The following DLC1 variants were observed in gnomAD, a reference collection of about 807,000 sequenced individuals.
DLC1 encodes the protein DLC1 Rho GTPase activating protein.
In DLC1, 54 loss-of-function variants were observed where a neutral mutation model predicts 140.3. The ratio of observed to expected loss-of-function variants is 0.38; its 90% CI spans 0.31 to 0.48. DLC1 has a LOEUF of 0.48. Among genes scored for constraint, DLC1 ranks in the 20% least tolerant of loss-of-function variants. The pLI, the probability that DLC1 is intolerant of heterozygous loss-of-function variation, is 0.96. For missense variants in DLC1, 2,536 were observed against 1,907.0 expected (o/e 1.33, Z -6.14); for synonymous variants, 986 against 728.1 (o/e 1.35, Z -5.70).
chr8:13,488,727 C>A (rs181436937), intron 2 of DLC1, among the ~76,000 whole-genome samples: 1 of 152,182 alleles, frequency 6.6e-6, no homozygotes, highest in Non-Finnish European at 1.5e-5. Context: ...TAAGATATAA[C>A]TTTACTTGTA....
intron 1 of DLC1, among the ~76,000 whole-genome samples, chr8:13,533,931 G>T (rs1026896316): frequency 9.9e-5 from 15 of 152,044 alleles, no homozygotes; most frequent in Non-Finnish European, 1.9e-4. Flanking sequence ...TAAGTTTCCT[G>T]AGGCCTCCCC....
intron 4 of DLC1, among the ~76,000 whole-genome samples, chr8:13,314,242 A>G (rs1406135461): frequency 6.7e-6 from 1 of 148,398 alleles, no homozygotes; most frequent in Non-Finnish European, 1.5e-5. Context: ...TATATTTATA[A>G]TATACATGTG....
chr8:13,194,417 G>T (rs1259081617), intron 5 of DLC1, among the ~76,000 whole-genome samples: 2 of 152,178 alleles, frequency 1.3e-5, no homozygotes, highest in Non-Finnish European at 2.9e-5. Context: ...GAAAATAACA[G>T]CTTGCATTTT....
At chr8:13,567,559 G>T in intron 1 of DLC1, 1 of 1,551,806 alleles carries the variant, frequency 6.4e-7, no homozygotes, top group Middle Eastern at 1.7e-4. Context: ...ACAGGAGGCA[G>T]CAGCTAAGCA....
intron 2 of DLC1, among the ~76,000 whole-genome samples, chr8:13,413,256 A>AGTTTTTTTTTTTTTTTT (rs1491415150): frequency 2.4e-5 from 2 of 82,022 alleles, no homozygotes; most frequent in Admixed American, 1.4e-4. Flanking sequence ...TTTTTTTGCG[A>AGTTTTTTTTTTTTTTTT]TTTTTTTTTT....
intron 2 of DLC1, among the ~76,000 whole-genome samples, chr8:13,498,474 CAG>C (rs1801616820): frequency 1.3e-5 from 2 of 152,090 alleles, no homozygotes; most frequent in Non-Finnish European, 2.9e-5. Context: ...TGGCAAGAAA[CAG>C]AGACTATGAT....
intron 5 of DLC1, among the ~76,000 whole-genome samples, chr8:13,138,706 T>C (rs921720292): frequency 2.6e-5 from 4 of 152,222 alleles, no homozygotes; most frequent in Non-Finnish European, 5.9e-5. Context: ...AAAACATTCA[T>C]TTATTGTTAA....
intron 5 of DLC1, among the ~76,000 whole-genome samples, chr8:13,166,580 G>A (rs547489525): frequency 6.6e-6 from 1 of 152,224 alleles, no homozygotes; most frequent in African/African-American, 2.4e-5. Context: ...TGATCCACCC[G>A]CTGTGGCCTC....
chr8:13,091,381 A>G lies in DLC1; in HGVS notation c.3792T>C (p.Asn1264=), dbSNP rs765625342. The G allele has an allele frequency of 1.9e-6, 3 of 1,614,074 alleles. No individual in the cohort carries two copies. The African/African-American group carries it at 4.0e-5, about 22-fold the overall frequency. Residue 1264 remains asparagine, a synonymous_variant, in exon 14 of 18, where the codon AAT becomes AAC. Coordinates refer to ENST00000276297, the MANE Select transcript of DLC1 (RefSeq NM_182643.3). The part of the protein sequence containing the change: ...SLGKPDQKDL[N]ENLAATQGLA... ...GCCCTTGAGTGGCAGCTAGGTTTTCATTCAAATCTTTCTGATCTGGTTTGC... is the reference window on the plus strand; with the variant it reads ...GCCCTTGAGTGGCAGCTAGGTTTTCGTTCAAATCTTTCTGATCTGGTTTGC...
chr8:13,163,141 AAT>A (rs1295567189), intron 5 of DLC1, among the ~76,000 whole-genome samples: 7 of 152,182 alleles, frequency 4.6e-5, no homozygotes, highest in African/African-American at 1.7e-4. Flanking sequence ...CTCAATGTTA[AAT>A]ATATGTTACT....
At chr8:13,474,400 C>T (rs1445187876) in intron 2 of DLC1, among the ~76,000 whole-genome samples, 6 of 152,162 alleles carry the variant, frequency 3.9e-5, no homozygotes, top group Non-Finnish European at 8.8e-5. Flanking sequence ...TGAGGCCCTC[C>T]TGGAGAACTT....
At chr8:13,164,212 G>A (rs1189986096) in intron 5 of DLC1, among the ~76,000 whole-genome samples, 3 of 151,924 alleles carry the variant, frequency 2.0e-5, no homozygotes, top group Admixed American at 6.6e-5. Flanking sequence ...CAGGATAATC[G>A]TTTAAACCTG....
intron 8 of DLC1, among the ~76,000 whole-genome samples, chr8:13,101,649 C>G (rs1156733171): frequency 6.6e-6 from 1 of 152,164 alleles, no homozygotes; most frequent in Non-Finnish European, 1.5e-5. Flanking sequence ...AGTACCTTTT[C>G]TTCCCCTCCC....
chr8:13,219,105 A>T (rs1828396521), intron 5 of DLC1, among the ~76,000 whole-genome samples: 2 of 124,088 alleles, frequency 1.6e-5, no homozygotes, highest in Non-Finnish European at 3.1e-5. Context: ...TAATTATATA[A>T]TTATATGTGA....
intron 1 of DLC1, among the ~76,000 whole-genome samples, chr8:13,534,039 G>C (rs1371452098): frequency 6.6e-6 from 1 of 152,096 alleles, no homozygotes; most frequent in Non-Finnish European, 1.5e-5. Flanking sequence ...ACTAATACAT[G>C]CTATGTCCAA....
At chr8:13,402,614 C>A (rs1484305134) in intron 2 of DLC1, among the ~76,000 whole-genome samples, 1 of 152,152 alleles carries the variant, frequency 6.6e-6, no homozygotes, top group Non-Finnish European at 1.5e-5. Flanking sequence ...TGGGTGAAAT[C>A]AGCTTTAAAA....
intron 4 of DLC1, among the ~76,000 whole-genome samples, chr8:13,307,208 G>A (rs1832479686): frequency 6.6e-6 from 1 of 151,958 alleles, no homozygotes; most frequent in Admixed American, 6.6e-5. Context: ...TGTTCTCTGG[G>A]TGTGAACCGT....
chr8:13,434,022 A>G (rs946971305), intron 2 of DLC1, among the ~76,000 whole-genome samples: 2 of 152,050 alleles, frequency 1.3e-5, no homozygotes, highest in Non-Finnish European at 2.9e-5. Flanking sequence ...TGCCCGGCTA[A>G]TTTTGTTTTG....
intron 5 of DLC1, among the ~76,000 whole-genome samples, chr8:13,255,120 G>A (rs933021850): frequency 2.0e-5 from 3 of 152,048 alleles, no homozygotes; most frequent in Non-Finnish European, 4.4e-5. Flanking sequence ...GGGATTACAG[G>A]TGCGTGCCAC....
Sources: gnomAD v4.1 joint callset for allele counts (sites outside exome capture counted in the v4.1 genomes callset) on GRCh38, gnomAD v4.1.1 for gene constraint, MANE v1.5 for transcripts, NCBI Gene and HGNC (gene_info 2026-07-23, HGNC 2026-07-21) for gene names.